MLF1: variants seen among roughly 807,000 people sequenced by gnomAD.
MLF1 encodes the protein myelodysplasia-myeloid leukemia factor 1.
Under a neutral mutation model 38.3 loss-of-function variants are expected in MLF1, and 37 were observed. That is an observed-to-expected ratio of 0.96 (90% CI 0.74 to 1.27). The LOEUF (loss-of-function observed/expected upper bound fraction) is 1.27, where lower values mean the gene tolerates loss of function less well. Among genes scored for constraint, MLF1 ranks in the 50% most tolerant of loss-of-function variants. The probability of loss-of-function intolerance (pLI) is 0.00; values close to 1 mark genes in which losing one functional copy is unlikely to be tolerated. For synonymous variants in MLF1, 95 were observed against 106.5 expected (o/e 0.89, Z 0.66); for missense variants, 331 against 349.2 (o/e 0.95, Z 0.42).
At chr3:158,598,331 T>TGGGGGTGGGGGGCCTGGTGGGAGGGGG in intron 5 of MLF1, 123 bp downstream of exon 5, 1 of 413,834 alleles carries the variant, frequency 2.4e-6, no homozygotes, top group Non-Finnish European at 3.9e-6. Flanking sequence ...GAGGGAGGTG[T>TGGGGGTGGGGGGCCTGGTGGGAGGGGG]GGGGGTTGGG....
At chr3:158,585,873 C>A (rs746367073) in intron 1 of MLF1, among the ~76,000 whole-genome samples, 2 of 152,040 alleles carry the variant, frequency 1.3e-5, no homozygotes, top group Non-Finnish European at 2.9e-5. Context: ...TTGAAAAGAG[C>A]AATTTAAGCT....
At chr3:158,586,155 ACT>A (rs1380092088) in intron 1 of MLF1, among the ~76,000 whole-genome samples, 3 of 144,114 alleles carry the variant, frequency 2.1e-5, no homozygotes, top group Non-Finnish European at 4.5e-5. Context: ...CAAGAGTGAA[ACT>A]CTGTCTCAAA....
intron 3 of MLF1, among the ~76,000 whole-genome samples, chr3:158,596,053 T>C (rs967330510): frequency 1.3e-5 from 2 of 152,070 alleles, no homozygotes; most frequent in Non-Finnish European, 2.9e-5. Flanking sequence ...GTAATTCTTT[T>C]TGTTCTGGGA....
At chr3:158,600,211 A>G in intron 6 of MLF1, 38 bp downstream of exon 6, 1 of 1,305,496 alleles carries the variant, frequency 7.7e-7, no homozygotes. Flanking sequence ...TTTCTTATAA[A>G]TTTAAAATAA....
Position 158,605,410 on chromosome 3 carries a change from G to T in MLF1, c.*208G>T. ...TGATTTTCAACAATGTGAGTAAATT[G>T]AGTCTATTTAATGTAAAACTCTTTA... On this transcript the variant is annotated 3_prime_UTR_variant, in exon 8 of 8. Coordinates refer to ENST00000466246, the MANE Select transcript of MLF1 (RefSeq NM_001369783.1). 2.4e-6 allele frequency: 1 copy of T among 416,112 alleles called. No individual in the cohort carries two copies. The highest frequency in any genetic ancestry group is 3.4e-5 in the East Asian group (1 of 29,190). The allele number at this position is 416,112 out of a possible 1,614,324, so 25.8% of individuals were successfully genotyped here. A position where few individuals can be genotyped will look rare whatever the true frequency, so the allele number is the denominator to read the frequency against.
chr3:158,583,288 C>A (rs1716697434), intron 1 of MLF1, among the ~76,000 whole-genome samples: 2 of 152,196 alleles, frequency 1.3e-5, no homozygotes, highest in South Asian at 4.1e-4. Flanking sequence ...AATAAAGGAA[C>A]CAACAGAAAG....
intron 5 of MLF1, among the ~76,000 whole-genome samples, 190 bp downstream of exon 5, chr3:158,598,398 G>A (rs1258391019): frequency 1.5e-5 from 2 of 133,026 alleles, no homozygotes; most frequent in Non-Finnish European, 3.3e-5. Flanking sequence ...TACTTAGTTT[G>A]TGGCATTTTT....
intron 1 of MLF1, among the ~76,000 whole-genome samples, chr3:158,589,168 C>T (rs930499180): frequency 1.6e-4 from 24 of 151,992 alleles, no homozygotes; most frequent in African/African-American, 5.8e-4. Context: ...GGTTCAAATT[C>T]CATAAACATT....
chr3:158,596,330 A>G (rs1040983220), intron 3 of MLF1, among the ~76,000 whole-genome samples: 2 of 152,116 alleles, frequency 1.3e-5, no homozygotes, highest in Non-Finnish European at 2.9e-5. Context: ...AGTAAAGTGA[A>G]TTGATTTCTG....
chr3:158,601,548 C>T (rs1004853896), intron 6 of MLF1, among the ~76,000 whole-genome samples: 3 of 150,532 alleles, frequency 2.0e-5, no homozygotes, highest in Admixed American at 6.6e-5. Context: ...CCAGCCTGGG[C>T]GACAGAGCGA....
intron 1 of MLF1, among the ~76,000 whole-genome samples, chr3:158,587,581 A>C (rs1228957484): frequency 6.6e-6 from 1 of 151,974 alleles, no homozygotes; most frequent in African/African-American, 2.4e-5. Flanking sequence ...GCTGATCCCC[A>C]CTCCCTGGTA....
intron 2 of MLF1, 113 bp downstream of exon 2, chr3:158,592,694 G>T (rs6780477): frequency 0.36 from 315,206 of 875,004 alleles, 57,608 homozygotes; most frequent in Non-Finnish European, 0.38. Context: ...TCTTGTTCTA[G>T]AAATCACTAT....
intron 1 of MLF1, chr3:158,591,159 CTT>C (rs11314613): frequency 0.033 from 12,493 of 379,156 alleles, no homozygotes; most frequent in Middle Eastern, 0.049. Context: ...AGGAAAATTT[CTT>C]TTTTTTTTTT....
chr3:158,591,745 T>TA (rs922774129), intron 1 of MLF1, among the ~76,000 whole-genome samples: 53 of 145,620 alleles, frequency 3.6e-4, no homozygotes, highest in East Asian at 2.0e-3. Flanking sequence ...TGTGATAAGG[T>TA]AAAAAAAAAA....
At chr3:158,587,747 T>A (rs530124254) in intron 1 of MLF1, among the ~76,000 whole-genome samples, 1 of 152,298 alleles carries the variant, frequency 6.6e-6, no homozygotes, top group East Asian at 1.9e-4. Flanking sequence ...ACGCCCGTAA[T>A]CCCAGCACTT....
chr3:158,581,479 C>T lies in MLF1; in HGVS notation c.47+10132C>T, dbSNP rs539484308. On this transcript the variant is annotated intron_variant, in intron 1 of 7. Transcript: ENST00000466246. ...CAGCTCCTCCAGCCATGTTATCACA[C>T]TGGAGGGGAGGACTAAGGCACACTG... Among the ~76,000 whole-genome samples the T allele has an allele frequency of 5.7e-4, 87 of 152,302 alleles. 1 individual carries two copies. Among genetic ancestry groups the T allele is most frequent in the African/African-American group, 2.1e-3 (86 of 41,576 alleles).
intron 1 of MLF1, among the ~76,000 whole-genome samples, chr3:158,587,711 C>A (rs988622621): frequency 2.6e-5 from 4 of 152,182 alleles, no homozygotes; most frequent in African/African-American, 7.2e-5. Flanking sequence ...TTTAAAAGAG[C>A]ATGGCTTGGC....
intron 2 of MLF1, among the ~76,000 whole-genome samples, 167 bp downstream of exon 2, chr3:158,592,748 G>A (rs937607096): frequency 2.0e-5 from 3 of 152,148 alleles, no homozygotes; most frequent in Non-Finnish European, 4.4e-5. Context: ...CCTGAACAGT[G>A]ACTTGTCAGC....
At chr3:158,588,368 A>G (rs1351489755) in intron 1 of MLF1, among the ~76,000 whole-genome samples, 1 of 152,182 alleles carries the variant, frequency 6.6e-6, no homozygotes, top group Non-Finnish European at 1.5e-5. Flanking sequence ...ATAGATAACT[A>G]ATACATGTTA....
Sources: gnomAD v4.1 joint callset for allele counts (sites outside exome capture counted in the v4.1 genomes callset) on GRCh38, gnomAD v4.1.1 for gene constraint, MANE v1.5 for transcripts, NCBI Gene and HGNC (gene_info 2026-07-23, HGNC 2026-07-21) for gene names.